The following PRPF6 variants were observed in gnomAD, a reference collection of about 807,000 sequenced individuals.
The protein encoded by PRPF6 is pre-mRNA processing factor 6.
PRPF6 carries 42 observed loss-of-function variants against 118.3 expected under a neutral mutation model. The ratio of observed to expected loss-of-function variants is 0.35; its 90% confidence interval spans 0.28 to 0.46. The LOEUF is 0.46. Ranked by LOEUF, PRPF6 falls within the 20% of genes least tolerant of loss-of-function variation. The pLI, the probability that PRPF6 is intolerant of heterozygous loss-of-function variation, is 1.00. For missense variants in PRPF6, 662 were observed against 1,255.7 expected (o/e 0.53, Z 7.15); for synonymous variants, 481 against 485.1 (o/e 0.99, Z 0.11).
In PRPF6 at chr20:63,994,961, G is replaced by A. The variant is rs767004241; in HGVS notation, c.484G>A (p.Glu162Lys). 1.2e-6 allele frequency: 2 copies of A among 1,614,134 alleles called. No homozygotes were observed. The highest frequency in any genetic ancestry group is 1.6e-4 in the Middle Eastern group (1 of 6,062). The change falls in exon 5 of 21, where the codon GAG (glutamate) becomes AAG (lysine). Residue 162 changes from glutamate to lysine, a missense_variant. By Grantham distance (56) the Glu-to-Lys change is moderately conservative (BLOSUM62 1). Around this residue, in one of 10 missense-constraint regions of PRPF6, gnomAD observed 97 missense variants for 122.6 expected, o/e 0.79. Coordinates refer to ENST00000266079, the MANE Select transcript of PRPF6 (RefSeq NM_012469.4). Reference sequence around the variant, plus strand: ...AGAAGAAGAGTGGCTGAGCATCCCCGAGGTTGGCGATGCCAGAAATAAACG... The same window carrying A: ...AGAAGAAGAGTGGCTGAGCATCCCCAAGGTTGGCGATGCCAGAAATAAACG... ...VTEEEWLSIP[E>K]VGDARNKRQR...
intron 7 of PRPF6, 107 bp downstream of exon 7, chr20:63,999,246 A>T (rs1431740771): frequency 9.8e-6 from 9 of 916,326 alleles, no homozygotes; most frequent in Non-Finnish European, 1.6e-5. Flanking sequence ...TGGCGGTTCT[A>T]AGAAATGTAA....
At chr20:63,992,772 T>C (rs2427582) in intron 3 of PRPF6, among the ~76,000 whole-genome samples, 38,031 of 151,106 alleles carry the variant, frequency 0.25, 5,899 homozygotes, top group African/African-American at 0.43. Context: ...CTCTCTGTGT[T>C]GCCCAGGCTG....
rs111366685 is a variant in PRPF6 at position 64,011,428 on chromosome 20, G to A, written c.1449G>A (p.Val483=). The A allele has an allele frequency of 0.013, 21,190 of 1,614,216 alleles. 170 individuals carry two copies. The highest frequency in any genetic ancestry group is 0.016 in the Non-Finnish European group (19,149 of 1,180,052). The change falls in exon 11 of 21, where the codon GTG becomes GTA. Residue 483 remains valine, a synonymous_variant. Transcript: ENST00000266079. The surrounding 1 kb of genome is among the most constrained non-coding windows in gnomAD (Gnocchi z 6.7). ...AAGCCAATGGGAACACGCAGATGGT[G>A]GAGAAGATCATCGACCGAGCCATCA... ...LEEANGNTQM[V]EKIIDRAITS...
At chr20:64,024,412 C>T (rs2059278730) in intron 13 of PRPF6, 143 bp from the exon 14 acceptor site, 7 of 1,067,860 alleles carry the variant, frequency 6.6e-6, no homozygotes, top group Non-Finnish European at 9.9e-6. Flanking sequence ...ACACTCTCCC[C>T]ATTGTAAAAT....
intron 1 of PRPF6, among the ~76,000 whole-genome samples, chr20:63,982,263 C>A (rs949788998): frequency 6.6e-6 from 1 of 152,138 alleles, no homozygotes; most frequent in African/African-American, 2.4e-5. Flanking sequence ...ATCTCTGCCC[C>A]CCGGGTTCAA....
rs527756385 is a variant in PRPF6 at position 64,028,331 on chromosome 20, G to T, written c.2340-147G>T. 2.8e-5 allele frequency: 23 copies of T among 824,396 alleles called. No homozygotes were observed. The African/African-American group carries it at 2.9e-4, about 10-fold the overall frequency. 51.1% of individuals were successfully genotyped at this position (824,396 alleles called of 1,614,324 possible). On this transcript the variant is annotated intron_variant, in intron 17 of 20. Transcript: ENST00000266079. The surrounding 1 kb of genome is among the most constrained non-coding windows in gnomAD (Gnocchi z 6.5). Reference sequence around the variant, plus strand: ...ATGTGGGCCCCAGCGCCTTGTTTCTGTGGTGGATGAGCTCTGCTGTGGAGG... The same window carrying T: ...ATGTGGGCCCCAGCGCCTTGTTTCTTTGGTGGATGAGCTCTGCTGTGGAGG...
chr20:64,027,886 G>A lies in PRPF6; in HGVS notation c.2339+150G>A, dbSNP rs573460167. On this transcript the variant is annotated intron_variant, in intron 17 of 20. Coordinates refer to ENST00000266079, the MANE Select transcript of PRPF6 (RefSeq NM_012469.4). This position sits in a 1 kb window ranked among gnomAD's most constrained non-coding sequence, Gnocchi z 6.5. ...GTAGGTGCTGGCCATGAAAAATCAC[G>A]GTCCCTGCCTTAGGAGAGTTCGGCC... 2.1e-4 allele frequency: 248 copies of A among 1,153,880 alleles called. 1 individual carries two copies. Among genetic ancestry groups the A allele is most frequent in the Non-Finnish European group, 2.8e-4 (217 of 774,106 alleles). 71.5% of individuals were successfully genotyped at this position (1,153,880 alleles called of 1,614,324 possible).
Position 64,028,669 on chromosome 20 carries a change from C to T in PRPF6, c.2431+100C>T. 7.6e-7 allele frequency: 1 copy of T among 1,313,378 alleles called. No individual in the cohort carries two copies. The highest frequency in any genetic ancestry group is 1.1e-6 in the Non-Finnish European group (1 of 936,664). The allele number at this position is 1,313,378 out of a possible 1,614,324, so 81.4% of individuals were successfully genotyped here. On this transcript the variant is annotated intron_variant, in intron 18 of 20. Transcript: ENST00000266079. This position sits in a 1 kb window ranked among gnomAD's most constrained non-coding sequence, Gnocchi z 6.5. ...GTGCTTCCTGGCTTCCCAGACTCCGCAGGGCTGGCACTTCCTGAGGGAGTG... is the reference window on the plus strand; with the variant it reads ...GTGCTTCCTGGCTTCCCAGACTCCGTAGGGCTGGCACTTCCTGAGGGAGTG...
chr20:64,011,228 T>G lies in PRPF6; in HGVS notation c.1306-57T>G. On this transcript the variant is annotated intron_variant, in intron 10 of 20. Coordinates refer to ENST00000266079, the MANE Select transcript of PRPF6 (RefSeq NM_012469.4). The surrounding 1 kb of genome is among the most constrained non-coding windows in gnomAD (Gnocchi z 6.7). ...CTGGAGGGTGGGTCGCTGTCTGGCC[T>G]GCAGCTGTCCCCCCAGCACAGTGTC... The G allele has an allele frequency of 6.4e-7, 1 of 1,551,492 alleles. No homozygotes were observed. The highest frequency in any genetic ancestry group is 8.9e-7 in the Non-Finnish European group (1 of 1,127,270).
intron 12 of PRPF6, among the ~76,000 whole-genome samples, chr20:64,021,402 G>C (rs1320765073): frequency 6.7e-6 from 1 of 148,954 alleles, no homozygotes. Context: ...CCACAGCCCT[G>C]TGTCTGTGTG....
chr20:63,995,244 G>A, intron 5 of PRPF6, 83 bp from the exon 6 acceptor site: 1 of 1,572,460 alleles, frequency 6.4e-7, no homozygotes, highest in Admixed American at 1.8e-5. Context: ...CAGGCCACTG[G>A]GGAAGTATTT....
chr20:64,013,588 C>T (rs559330581), intron 11 of PRPF6, among the ~76,000 whole-genome samples: 5 of 152,204 alleles, frequency 3.3e-5, no homozygotes, highest in African/African-American at 7.2e-5. Context: ...GGACTACAGG[C>T]GTGTGCCACC....
chr20:64,024,689 TC>T lies in PRPF6; in HGVS notation c.1906del (p.Gln636ArgfsTer14). On this transcript the variant is annotated frameshift_variant, in exon 14 of 21. Transcript: ENST00000266079. LOFTEE classifies it high-confidence loss of function. ...PAARSILALA[F>X]QANPNSEEIW... is the part of the protein sequence containing the mutation. The stretch of plus-strand genomic sequence containing the variant: ...GCAAGGAGCATCCTGGCCCTGGCCT[TC>T]CAGGTGGGTGAGGGTTGCCTGTGTG... 3 of 1,612,400 alleles carry T rather than the reference TC, an allele frequency of 1.9e-6. No individual in the cohort carries two copies. The highest frequency in any genetic ancestry group is 2.5e-6 in the Non-Finnish European group (3 of 1,179,786).
At chr20:64,001,590 G>C (rs1016101468) in intron 9 of PRPF6, among the ~76,000 whole-genome samples, 1 of 152,226 alleles carries the variant, frequency 6.6e-6, no homozygotes, top group Admixed American at 6.5e-5. Flanking sequence ...GAGATGGTCT[G>C]TGTGAAGAGC....
chr20:63,993,308 A>G (rs2059127290), intron 3 of PRPF6, 99 bp from the exon 4 acceptor site: 2 of 653,922 alleles, frequency 3.1e-6, no homozygotes, highest in Non-Finnish European at 5.6e-6. Flanking sequence ...TACTAAGAGT[A>G]TGGAATTGTT....
At chr20:63,999,955 C>T (rs1180142753) in intron 8 of PRPF6, among the ~76,000 whole-genome samples, 196 bp downstream of exon 8, 1 of 145,836 alleles carries the variant, frequency 6.9e-6, no homozygotes, top group African/African-American at 2.5e-5. Context: ...TAATCCACCA[C>T]TTTTTTTTTT....
rs1172599842 is a variant in PRPF6, at chr20:64,029,040, G to A, written c.2432-337G>A. ...AAATGAGCTGGGCATGGTGGCGGGC[G>A]CCTGTAATCCCAGCTACTCGGGAGG... is the stretch of plus-strand genomic sequence containing the variant. On this transcript the variant is annotated intron_variant, in intron 18 of 20. Coordinates refer to ENST00000266079, the MANE Select transcript of PRPF6 (RefSeq NM_012469.4). This position sits in a 1 kb window ranked among gnomAD's most constrained non-coding sequence, Gnocchi z 4.8. Among the ~76,000 whole-genome samples, 1 of 152,140 alleles carries A rather than the reference G, an allele frequency of 6.6e-6. No homozygotes were observed. The highest frequency in any genetic ancestry group is 1.9e-4 in the East Asian group (1 of 5,182).
At chr20:63,993,286 ATT>A in intron 3 of PRPF6, 119 bp from the exon 4 acceptor site, 3 of 509,316 alleles carry the variant, frequency 5.9e-6, no homozygotes, top group Admixed American at 2.7e-5. Flanking sequence ...ATATATATAT[ATT>A]TGATTTAGCT....
chr20:63,989,278 A>T (rs1428697918), intron 3 of PRPF6, among the ~76,000 whole-genome samples: 1 of 152,168 alleles, frequency 6.6e-6, no homozygotes, highest in Admixed American at 6.6e-5. Flanking sequence ...CTACTAGAAG[A>T]AAACATTGGA....
Sources: allele counts gnomAD v4.1 joint callset (sites outside exome capture counted in the v4.1 genomes callset), GRCh38; gene constraint gnomAD v4.1.1; regional missense constraint gnomAD v4.1.1; non-coding constraint Gnocchi (gnomAD v3.1); transcripts MANE v1.5; gene names NCBI Gene and HGNC (gene_info 2026-07-23, HGNC 2026-07-21).